Variants in HDAC4 observed in about 807,000 individuals in gnomAD.
HDAC4 encodes histone deacetylase A.
Under a neutral mutation model 135.1 loss-of-function variants are expected in HDAC4, and 16 were observed. The observed-to-expected ratio is 0.12, with a 90% CI of 0.08 to 0.18. The LOEUF (loss-of-function observed/expected upper bound fraction) is 0.18. Ranked by LOEUF, HDAC4 falls within the 10% of genes least tolerant of loss-of-function variation. HDAC4 has a pLI of 1.00. For synonymous variants in HDAC4, 685 were observed against 653.4 expected (o/e 1.05, Z -0.74); for missense variants, 1,143 against 1,511.8 (o/e 0.76, Z 4.05).
In HDAC4 at chr2:239,066,723, T is replaced by A; in HGVS notation, c.3002A>T (p.Glu1001Val). The change falls in exon 24 of 27, where the codon GAG (glutamate) becomes GTG (valine). Residue 1001 changes from glutamate (E) to valine (V), a missense_variant and splice_region_variant. Physicochemically the swap from Glu to Val is moderately radical, Grantham distance 121 (BLOSUM62 -2). Around this residue, in one of 9 missense-constraint regions of HDAC4, gnomAD observed 131 missense variants for 130.6 expected, o/e 1.00. Coordinates refer to ENST00000543185, the MANE Select transcript of HDAC4 (RefSeq NM_001378414.1). ...GTGGGGTCTCTGGGGTCTTCCTACCTCGTTTCCCAGCAAGGCAGAAACACA... is the reference window on the plus strand; with the variant it reads ...GTGGGGTCTCTGGGGTCTTCCTACCACGTTTCCCAGCAAGGCAGAAACACA... ...EACVSALLGNELDPLPEKVLQ... is the reference protein window; with the variant it reads ...EACVSALLGNVLDPLPEKVLQ... 6.2e-7 allele frequency: 1 copy of A among 1,613,816 alleles called. No individual in the cohort carries two copies. The highest frequency in any genetic ancestry group is 1.7e-5 in the Admixed American group (1 of 60,020).
In HDAC4 at chr2:239,349,209, G is replaced by A. The variant is rs1328224590; in HGVS notation, c.22+3469C>T. On this transcript the variant is annotated intron_variant, in intron 2 of 26. Transcript: ENST00000543185. The surrounding 1 kb of genome is among the most constrained non-coding windows in gnomAD (Gnocchi z 5.7). The stretch of plus-strand genomic sequence containing the variant: ...AGCCGGGTGGGCAGGGCGAAGGACA[G>A]GGCCAGCTAGCAGAGGACGGCACGA... 6.6e-6 allele frequency among the ~76,000 whole-genome samples: 1 copy of A among 152,144 alleles called. No homozygotes were observed. The highest frequency in any genetic ancestry group is 1.5e-5 in the Non-Finnish European group (1 of 68,028).
chr2:239,298,177 T>G, intron 2 of HDAC4: 1 of 1,284,382 alleles, frequency 7.8e-7, no homozygotes, highest in Middle Eastern at 2.1e-4. Context: ...AAACATTTGC[T>G]GACAGCAAGC....
intron 3 of HDAC4, 52 bp downstream of exon 3, chr2:239,236,539 CCT>C: frequency 7.2e-7 from 1 of 1,396,966 alleles, no homozygotes; most frequent in Non-Finnish European, 9.9e-7. Flanking sequence ...CGTCTGAACA[CCT>C]CTTTGGCTCA....
chr2:239,157,884 G>T (rs2042526400), intron 6 of HDAC4, among the ~76,000 whole-genome samples: 1 of 152,162 alleles, frequency 6.6e-6, no homozygotes, highest in Non-Finnish European at 1.5e-5. Flanking sequence ...CAGGCACCTG[G>T]GCAGTGGGGT....
chr2:239,346,405 C>T (rs73104761), intron 2 of HDAC4, among the ~76,000 whole-genome samples: 3,698 of 151,416 alleles, frequency 0.024, 160 homozygotes, highest in African/African-American at 0.084. Flanking sequence ...ATACTTTTAA[C>T]ACATAGTCTA....
Position 239,393,232 on chromosome 2 carries a change from G to A in HDAC4, c.-220+7746C>T, listed in dbSNP as rs143113200. On this transcript the variant is annotated intron_variant, in intron 1 of 26. Coordinates refer to ENST00000543185, the MANE Select transcript of HDAC4 (RefSeq NM_001378414.1). ...CATGTGCCCCAAGGAGGGCCTAGCC[G>A]CGCCATGGACCACCTGGAGGCCTCC... Among the ~76,000 whole-genome samples, 27 of 152,308 alleles carry A rather than the reference G, an allele frequency of 1.8e-4. No homozygotes were observed. The East Asian group carries it at 4.3e-3, about 24-fold the overall frequency.
intron 1 of HDAC4, among the ~76,000 whole-genome samples, chr2:239,383,396 T>C (rs1451097410): frequency 1.3e-5 from 2 of 152,092 alleles, no homozygotes; most frequent in African/African-American, 2.4e-5. Context: ...AAGCTGCCTC[T>C]CGGGAGATGG....
At chr2:239,086,146 G>T (rs113021909) in intron 19 of HDAC4, among the ~76,000 whole-genome samples, 39 of 25,220 alleles carry the variant, frequency 1.5e-3, no homozygotes, top group Admixed American at 2.9e-3. Context: ...TGACTATCTC[G>T]CACGTACAGT....
At chr2:239,181,197 G>C (rs1012300402) in intron 4 of HDAC4, among the ~76,000 whole-genome samples, 1 of 152,248 alleles carries the variant, frequency 6.6e-6, no homozygotes, top group South Asian at 2.1e-4. Flanking sequence ...CCTCACAAGG[G>C]GGGTGGGACT....
intron 24 of HDAC4, among the ~76,000 whole-genome samples, chr2:239,060,267 TCTG>T (rs1301768902): frequency 2.0e-5 from 3 of 152,270 alleles, no homozygotes; most frequent in South Asian, 4.1e-4. Flanking sequence ...AAGTAGTAAA[TCTG>T]CTGCACAGAA....
chr2:239,134,163 C>T, intron 11 of HDAC4, 82 bp downstream of exon 11: 1 of 1,157,422 alleles, frequency 8.6e-7, no homozygotes, highest in Non-Finnish European at 1.3e-6. Context: ...CCTGTCTCCT[C>T]CAAAGGCAGG....
In HDAC4 at chr2:239,090,202, G is replaced by A. The variant is rs868251723; in HGVS notation, c.2281-86C>T. 31 of 944,432 alleles carry A rather than the reference G, an allele frequency of 3.3e-5. No individual in the cohort carries two copies. The Middle Eastern group carries it at 1.7e-3, about 51-fold the overall frequency. 58.5% of individuals were successfully genotyped at this position (944,432 alleles called of 1,614,324 possible). ...GGCTGGGCAGAGCAGCTCAGGTTCC[G>A]TGGGCTCTGCTTCTGAAACCCCAGG... On this transcript the variant is annotated intron_variant, in intron 17 of 26. Coordinates refer to ENST00000543185, the MANE Select transcript of HDAC4 (RefSeq NM_001378414.1).
intron 1 of HDAC4, among the ~76,000 whole-genome samples, chr2:239,355,321 CACCGG>C (rs760355548): frequency 1.2e-3 from 183 of 152,364 alleles, no homozygotes; most frequent in Non-Finnish European, 1.3e-3. Context: ...TGGCCTCTTT[CACCGG>C]TGACACATCT....
intron 12 of HDAC4, among the ~76,000 whole-genome samples, chr2:239,122,926 C>T (rs955318433): frequency 9.9e-5 from 15 of 152,210 alleles, no homozygotes; most frequent in Admixed American, 2.0e-4. Flanking sequence ...CCTCAGGGAA[C>T]AAGCCCCTGG....
At chr2:239,233,056 C>T (rs190433408) in intron 3 of HDAC4, among the ~76,000 whole-genome samples, 8 of 152,350 alleles carry the variant, frequency 5.3e-5, no homozygotes, top group East Asian at 1.9e-4. Flanking sequence ...TTATTCAAAA[C>T]GCAAAGAAAT....
At chr2:239,130,469 G>C (rs1198512089) in intron 11 of HDAC4, among the ~76,000 whole-genome samples, 6 of 152,016 alleles carry the variant, frequency 3.9e-5, no homozygotes, top group African/African-American at 4.8e-5. Context: ...TAAGACGCTG[G>C]TGGCATGCTC....
intron 7 of HDAC4, among the ~76,000 whole-genome samples, chr2:239,152,901 T>G (rs1371585254): frequency 3.9e-5 from 6 of 152,202 alleles, no homozygotes; most frequent in Non-Finnish European, 1.5e-5. Context: ...CGAAGGACTT[T>G]GCAAATATTA....
chr2:239,148,415 A>G (rs2041902367), intron 7 of HDAC4, among the ~76,000 whole-genome samples: 1 of 152,180 alleles, frequency 6.6e-6, no homozygotes, highest in South Asian at 2.1e-4. Context: ...ATGAGCAGCA[A>G]TTCCAGGCCT....
At chr2:239,364,153 G>A (rs942220469) in intron 1 of HDAC4, among the ~76,000 whole-genome samples, 2 of 152,312 alleles carry the variant, frequency 1.3e-5, no homozygotes, top group Admixed American at 6.5e-5. Context: ...ACCCCTCGGT[G>A]GCAGGTACTA....
Sources: allele counts gnomAD v4.1 joint callset (sites outside exome capture counted in the v4.1 genomes callset), GRCh38; gene constraint gnomAD v4.1.1; regional missense constraint gnomAD v4.1.1; non-coding constraint Gnocchi (gnomAD v3.1); transcripts MANE v1.5; gene names NCBI Gene and HGNC (gene_info 2026-07-23, HGNC 2026-07-21).